INPP4B: variants seen among roughly 807,000 people sequenced by gnomAD.
INPP4B encodes inositol polyphosphate-4-phosphatase type II B.
Under a neutral mutation model 122.5 loss-of-function variants are expected in INPP4B, and 55 were observed. That is an observed-to-expected ratio of 0.45 (90% confidence interval 0.36 to 0.56). INPP4B has a LOEUF of 0.56. INPP4B is among the 20% of genes least tolerant of loss of function. The pLI, the probability that INPP4B is intolerant of heterozygous loss-of-function variation, is 0.00. For missense variants in INPP4B, 1,000 were observed against 1,097.7 expected (o/e 0.91, Z 1.26); for synonymous variants, 403 against 388.7 (o/e 1.04, Z -0.43).
At chr4:142,413,416 C>G (rs965290708) in intron 5 of INPP4B, among the ~76,000 whole-genome samples, 14 of 152,128 alleles carry the variant, frequency 9.2e-5, no homozygotes, top group Non-Finnish European at 1.9e-4. Context: ...AATAAACACA[C>G]AGACAAATAA....
chr4:142,053,066 C>T (rs1254580701), intron 25 of INPP4B, among the ~76,000 whole-genome samples: 2 of 151,976 alleles, frequency 1.3e-5, no homozygotes, highest in African/African-American at 4.8e-5. Flanking sequence ...TGAACCACCA[C>T]AGAAGAGGTA....
At chr4:142,104,654 C>T (rs576299273) in intron 23 of INPP4B, among the ~76,000 whole-genome samples, 97 of 152,186 alleles carry the variant, frequency 6.4e-4, no homozygotes, top group Middle Eastern at 6.8e-3. Context: ...ACAGCTTTGT[C>T]CATCAGATAT....
chr4:142,813,762 A>G (rs1413545794), intron 1 of INPP4B, among the ~76,000 whole-genome samples: 1 of 152,202 alleles, frequency 6.6e-6, no homozygotes, highest in African/African-American at 2.4e-5. Flanking sequence ...ATCCTAGGAA[A>G]CAACAAAGTA....
intron 15 of INPP4B, among the ~76,000 whole-genome samples, chr4:142,185,584 A>T (rs1234190680): frequency 6.6e-6 from 1 of 152,032 alleles, no homozygotes; most frequent in Non-Finnish European, 1.5e-5. Flanking sequence ...CTTAGTTAAG[A>T]AAGAAGTCCT....
intron 22 of INPP4B, 70 bp downstream of exon 22, chr4:142,112,472 G>T: frequency 6.8e-7 from 1 of 1,465,964 alleles, no homozygotes. Flanking sequence ...GCAGATACAT[G>T]GGACTTCTCA....
intron 2 of INPP4B, among the ~76,000 whole-genome samples, chr4:142,553,889 A>T (rs1032969882): frequency 1.3e-5 from 2 of 152,150 alleles, no homozygotes; most frequent in South Asian, 2.1e-4. Flanking sequence ...GTCTTATTCC[A>T]CTAGCTAAAC....
chr4:142,337,659 G>T, intron 7 of INPP4B, among the ~76,000 whole-genome samples: 1 of 112,898 alleles, frequency 8.9e-6, no homozygotes, highest in African/African-American at 2.8e-5. Context: ...TTAATTTGTA[G>T]GCATCCTTTA....
chr4:142,738,451 G>A (rs1278488436), intron 1 of INPP4B, among the ~76,000 whole-genome samples: 1 of 152,056 alleles, frequency 6.6e-6, no homozygotes, highest in Non-Finnish European at 1.5e-5. Context: ...ACACACTGGG[G>A]CCTGTTGTGG....
At position 142,733,660 on chromosome 4, in the gene INPP4B, C is replaced by T. The variant is rs150579158; in HGVS notation, c.-253-7759G>A. 3.4e-3 allele frequency among the ~76,000 whole-genome samples: 515 copies of T among 152,230 alleles called. 2 individuals carry two copies. The highest frequency in any genetic ancestry group is 5.0e-3 in the South Asian group (24 of 4,824). Reference sequence around the variant, plus strand: ...CAAGGATGTGGAAGAATGGTACTGTCATATCCTGCTGGTAGGGGTAGAAAT... The same window carrying T: ...CAAGGATGTGGAAGAATGGTACTGTTATATCCTGCTGGTAGGGGTAGAAAT... On this transcript the variant is annotated intron_variant, in intron 1 of 25. Coordinates refer to ENST00000262992, the MANE Select transcript of INPP4B (RefSeq NM_001101669.3).
chr4:142,294,829 C>CAGAAAAAAAAAAAAAAAAAA (rs1757903392), intron 9 of INPP4B, among the ~76,000 whole-genome samples: 1 of 28,476 alleles, frequency 3.5e-5, no homozygotes, highest in African/African-American at 1.2e-4. Flanking sequence ...GACTCCGTCT[C>CAGAAAAAAAAAAAAAAAAAA]AAAAAAAAAA....
chr4:142,281,543 G>C (rs996171956), intron 9 of INPP4B, among the ~76,000 whole-genome samples: 3 of 151,922 alleles, frequency 2.0e-5, no homozygotes, highest in African/African-American at 7.2e-5. Context: ...ATTATATATA[G>C]AGAATTTGTA....
chr4:142,336,369 C>A (rs980228181), intron 7 of INPP4B, among the ~76,000 whole-genome samples: 1 of 152,166 alleles, frequency 6.6e-6, no homozygotes, highest in Non-Finnish European at 1.5e-5. Flanking sequence ...GCAGAGGGAG[C>A]AAAAAGAGCA....
chr4:142,523,630 T>G (rs1345554836), intron 2 of INPP4B, among the ~76,000 whole-genome samples: 1 of 152,140 alleles, frequency 6.6e-6, no homozygotes, highest in African/African-American at 2.4e-5. Flanking sequence ...TTTTAGCTTT[T>G]CTTTTTTCAA....
intron 2 of INPP4B, among the ~76,000 whole-genome samples, chr4:142,653,767 T>C (rs1192102505): frequency 6.6e-6 from 1 of 152,180 alleles, no homozygotes; most frequent in Non-Finnish European, 1.5e-5. Flanking sequence ...TTTACACTAT[T>C]GGTGGGAGTG....
intron 2 of INPP4B, among the ~76,000 whole-genome samples, chr4:142,673,634 C>G (rs955803592): frequency 2.0e-5 from 3 of 152,118 alleles, no homozygotes; most frequent in South Asian, 2.1e-4. Context: ...GGATTTGGGT[C>G]AGTCCACCAG....
chr4:142,396,669 T>C, intron 7 of INPP4B, among the ~76,000 whole-genome samples: 1 of 152,166 alleles, frequency 6.6e-6, no homozygotes, highest in East Asian at 1.9e-4. Context: ...TTCATAGATG[T>C]TTTATTCATC....
intron 2 of INPP4B, among the ~76,000 whole-genome samples, chr4:142,504,989 A>G (rs1204612248): frequency 6.6e-6 from 1 of 152,100 alleles, no homozygotes; most frequent in African/African-American, 2.4e-5. Context: ...AAAATACTGT[A>G]TTAAAAAACT....
At chr4:142,744,826 T>C (rs939184675) in intron 1 of INPP4B, among the ~76,000 whole-genome samples, 1 of 151,790 alleles carries the variant, frequency 6.6e-6, no homozygotes, top group African/African-American at 2.4e-5. Context: ...GGAAGAGTCA[T>C]AAAAATAAAT....
At chr4:142,070,932 A>G (rs1766870087) in intron 25 of INPP4B, among the ~76,000 whole-genome samples, 1 of 152,198 alleles carries the variant, frequency 6.6e-6, no homozygotes, top group African/African-American at 2.4e-5. Flanking sequence ...TACAGATTCA[A>G]TGCCATCCCC....
Sources: gnomAD v4.1 joint callset for allele counts (sites outside exome capture counted in the v4.1 genomes callset) on GRCh38, gnomAD v4.1.1 for gene constraint, MANE v1.5 for transcripts, NCBI Gene and HGNC (gene_info 2026-07-23, HGNC 2026-07-21) for gene names.